Variants in CFAP46 observed in about 807,000 individuals in gnomAD.
CFAP46 encodes cilia and flagella associated protein 46.
Under a neutral mutation model 325.7 loss-of-function variants are expected in CFAP46, and 245 were observed. The observed-to-expected ratio is 0.75, with a 90% CI of 0.68 to 0.84. The LOEUF (loss-of-function observed/expected upper bound fraction) is 0.84, where lower values mean the gene tolerates loss of function less well. Ranked by LOEUF, CFAP46 falls within the 40% of genes least tolerant of loss-of-function variation. CFAP46 has a pLI of 0.00. For synonymous variants in CFAP46, 1,523 were observed against 1,495.9 expected (o/e 1.02, Z -0.42); for missense variants, 3,346 against 3,543.0 (o/e 0.94, Z 1.41).
rs1165820826 is a variant in CFAP46, at chr10:132,812,887, A to G, written c.7399T>C (p.Trp2467Arg). The change falls in exon 55 of 58, where the codon TGG (tryptophan) becomes CGG (arginine). Residue 2467 changes from tryptophan to arginine, a missense_variant. Trp to Arg is a moderately radical substitution (Grantham distance 101). Coordinates refer to ENST00000368586, the MANE Select transcript of CFAP46 (RefSeq NM_001200049.3). ...GSKHFPSQAQWEQALGSCSGF... is the reference protein window; with the variant it reads ...GSKHFPSQAQREQALGSCSGF... Reference sequence around the variant, plus strand: ...CTGCAGCTGCCCAGGGCCTGCTCCCACTGGGCCTGGCTGCAGAGAGAGGAG... The same window carrying G: ...CTGCAGCTGCCCAGGGCCTGCTCCCGCTGGGCCTGGCTGCAGAGAGAGGAG... 1 of 1,607,846 alleles carries G rather than the reference A, an allele frequency of 6.2e-7. No homozygotes were observed. The highest frequency in any genetic ancestry group is 2.2e-5 in the East Asian group (1 of 44,872).
intron 44 of CFAP46, among the ~76,000 whole-genome samples, chr10:132,844,967 C>A (rs1848409918): frequency 6.6e-6 from 1 of 152,186 alleles, no homozygotes; most frequent in Non-Finnish European, 1.5e-5. Flanking sequence ...GATCCTCCTG[C>A]CTCAGGCTCC....
chr10:132,930,321 A>C (rs55730799), intron 8 of CFAP46, among the ~76,000 whole-genome samples: 7 of 102,954 alleles, frequency 6.8e-5, no homozygotes, highest in Non-Finnish European at 1.2e-4. Context: ...CACACAGAGC[A>C]TGGGACTCCC....
intron 55 of CFAP46, among the ~76,000 whole-genome samples, chr10:132,812,386 G>A (rs117805375): frequency 0.014 from 2,151 of 152,300 alleles, 19 homozygotes; most frequent in South Asian, 0.032. Flanking sequence ...GAGGTCCCGA[G>A]TGCCCACGAT....
At chr10:132,837,330 GAC>G (rs947665369) in intron 44 of CFAP46, among the ~76,000 whole-genome samples, 2 of 152,312 alleles carry the variant, frequency 1.3e-5, no homozygotes, top group African/African-American at 2.4e-5. Context: ...GATGCATGCA[GAC>G]ACACACGCGT....
rs192712237 is a variant in CFAP46, at chr10:132,939,623, G to C, written c.372-870C>G. 9.8e-5 allele frequency among the ~76,000 whole-genome samples: 15 copies of C among 152,298 alleles called. No homozygotes were observed. The highest frequency in any genetic ancestry group is 3.4e-3 in the Middle Eastern group (1 of 294). On this transcript the variant is annotated intron_variant, in intron 4 of 57. Coordinates refer to ENST00000368586, the MANE Select transcript of CFAP46 (RefSeq NM_001200049.3). This position sits in a 1 kb window ranked among gnomAD's most constrained non-coding sequence, Gnocchi z 4.6. ...TACTCAGAGCCACCACGTGACCCTA[G>C]GACAGGACTCATCCTGTTTCCAGGT... is the stretch of plus-strand genomic sequence containing the variant.
rs1315178437 is a variant in CFAP46, at chr10:132,846,195, GAC to G, written c.6298_6299del (p.Val2100ProfsTer55). On this transcript the variant is annotated frameshift_variant, in exon 44 of 58. Transcript: ENST00000368586. LOFTEE classifies it high-confidence loss of function. ...SCSASETMRDVLLAATANTSS... is the reference protein window; with the variant it reads ...SCSASETMRDXLLAATANTSS... ...TGGTGTTGGCTGTGGCTGCAAGCAG[GAC>G]ATCCCTCATCGTCTCTGAGGCCGAG... 3.7e-6 allele frequency: 6 copies of G among 1,612,104 alleles called. No homozygotes were observed. Among genetic ancestry groups the G allele is most frequent in the Non-Finnish European group, 5.1e-6 (6 of 1,179,676 alleles).
rs1032079231 is a variant in CFAP46 at position 132,889,223 on chromosome 10, G to A, written c.3304+3110C>T. On this transcript the variant is annotated intron_variant, in intron 25 of 57. Coordinates refer to ENST00000368586, the MANE Select transcript of CFAP46 (RefSeq NM_001200049.3). The surrounding 1 kb of genome is among the most constrained non-coding windows in gnomAD (Gnocchi z 6.0). ...GACCCGCCTCTGGTGCCAGCACCTG[G>A]ACCACCGAGGCTTACGTCACAGAGT... Among the ~76,000 whole-genome samples, 38 of 152,318 alleles carry A rather than the reference G, an allele frequency of 2.5e-4. No individual in the cohort carries two copies. The highest frequency in any genetic ancestry group is 9.1e-4 in the African/African-American group (38 of 41,564).
At chr10:132,858,295 G>A (rs4880451) in intron 38 of CFAP46, among the ~76,000 whole-genome samples, 6,547 of 92,054 alleles carry the variant, frequency 0.071, 273 homozygotes, top group Admixed American at 0.11. Context: ...CCCAGGTTGG[G>A]GGCAGGGAGG....
In CFAP46 at chr10:132,885,093, G is replaced by C. The variant is rs925113052; in HGVS notation, c.3627+10C>G. ...TTTTACCACGTGCACCCACGCTTAC[G>C]GCTTCACACCTGCAAGGCCTGGATG... On this transcript the variant is annotated intron_variant, in intron 27 of 57. Coordinates refer to ENST00000368586, the MANE Select transcript of CFAP46 (RefSeq NM_001200049.3). 1 of 1,538,060 alleles carries C rather than the reference G, an allele frequency of 6.5e-7. No individual in the cohort carries two copies. The highest frequency in any genetic ancestry group is 1.4e-5 in the African/African-American group (1 of 72,760).
At chr10:132,885,490 G>A (rs554681088) in intron 26 of CFAP46, among the ~76,000 whole-genome samples, 4 of 152,116 alleles carry the variant, frequency 2.6e-5, no homozygotes, top group East Asian at 3.9e-4. Flanking sequence ...TTCAGTCCCC[G>A]CTCTCCCTGT....
At chr10:132,917,365 G>A (rs187616442) in intron 16 of CFAP46, among the ~76,000 whole-genome samples, 17 of 152,370 alleles carry the variant, frequency 1.1e-4, no homozygotes, top group Admixed American at 3.3e-4. Context: ...TTGGTGCAGC[G>A]CGGTGGCTGC....
At chr10:132,822,525 C>T (rs867128860) in intron 50 of CFAP46, among the ~76,000 whole-genome samples, 2,538 of 75,156 alleles carry the variant, frequency 0.034, 50 homozygotes, top group Middle Eastern at 0.078. Flanking sequence ...TGTGTGCTGA[C>T]GTGTGCTGTG....
intron 46 of CFAP46, 131 bp downstream of exon 46, chr10:132,836,011 C>T (rs1454050480): frequency 1.4e-5 from 1 of 72,218 alleles, no homozygotes; most frequent in Non-Finnish European, 2.7e-5. Context: ...GCTCCCCTCC[C>T]CCTCTCGCCC....
rs1308078951 is a variant in CFAP46 at position 132,877,130 on chromosome 10, T to G, written c.4213-169A>C. Among the ~76,000 whole-genome samples the G allele has an allele frequency of 6.6e-6, 1 of 152,176 alleles. No individual in the cohort carries two copies. Among genetic ancestry groups the G allele is most frequent in the Non-Finnish European group, 1.5e-5 (1 of 68,024 alleles). On this transcript the variant is annotated intron_variant, in intron 30 of 57. Transcript: ENST00000368586. The surrounding 1 kb of genome is among the most constrained non-coding windows in gnomAD (Gnocchi z 5.7). Reference sequence around the variant, plus strand: ...CCCAGATCCAGCCTCTGATACTGTTTCCAGGCAGTGCACGCAAAGCTTTCT... The same window carrying G: ...CCCAGATCCAGCCTCTGATACTGTTGCCAGGCAGTGCACGCAAAGCTTTCT...
intron 28 of CFAP46, among the ~76,000 whole-genome samples, chr10:132,880,568 C>T (rs574284168): frequency 3.3e-5 from 5 of 152,366 alleles, no homozygotes; most frequent in South Asian, 2.1e-4. Flanking sequence ...ACATGCCTTC[C>T]GCCTGACCTG....
At position 132,811,093 on chromosome 10, in the gene CFAP46, G is replaced by A. The variant is rs1847573096; in HGVS notation, c.7502-62C>T. On this transcript the variant is annotated intron_variant, in intron 55 of 57. Transcript: ENST00000368586. ...CTGACATGGGGAGTGGGGATGGGGT[G>A]TGGGCAGGTGGGGCCTGTGCCCCAA... 6 of 1,401,410 alleles carry A rather than the reference G, an allele frequency of 4.3e-6. No individual in the cohort carries two copies. In the South Asian group the frequency reaches 4.9e-5, roughly 12 times the overall value. The allele number at this position is 1,401,410 out of a possible 1,614,324, so 86.8% of individuals were successfully genotyped here. A position where few individuals can be genotyped will look rare whatever the true frequency, so the allele number is the denominator to read the frequency against.
At chr10:132,836,941 G>A (rs1848259948) in intron 44 of CFAP46, 27 bp from the exon 45 acceptor site, 1 of 1,549,294 alleles carries the variant, frequency 6.5e-7, no homozygotes, top group South Asian at 1.1e-5. Context: ...GGCCATCAGG[G>A]GATGCATTTA....
At chr10:132,929,887 T>C in intron 8 of CFAP46, 83 bp from the exon 9 acceptor site, 2 of 918,920 alleles carry the variant, frequency 2.2e-6, no homozygotes, top group South Asian at 3.2e-5. Flanking sequence ...TGTCCCCCGT[T>C]CAAGCAGAAG....
chr10:132,876,924 A>G lies in CFAP46; in HGVS notation c.4250T>C (p.Leu1417Ser), dbSNP rs1375570892. Residue 1417 changes from leucine (L) to serine (S), a missense_variant, in exon 31 of 58, where the codon TTA becomes TCA. Physicochemically the swap from Leu to Ser is moderately radical, Grantham distance 145. Transcript: ENST00000368586. This position sits in a 1 kb window ranked among gnomAD's most constrained non-coding sequence, Gnocchi z 4.1. ...SPAPIKQLED[L>S]PMSIEEWASY... ...AGCCCACTCTTCTATGCTCATGGGTAAGTCTTCCAGTTGTTTGATAGGAGC... is the reference window on the plus strand; with the variant it reads ...AGCCCACTCTTCTATGCTCATGGGTGAGTCTTCCAGTTGTTTGATAGGAGC... 1.3e-6 allele frequency: 2 copies of G among 1,550,582 alleles called. No individual in the cohort carries two copies. The highest frequency in any genetic ancestry group is 2.4e-5 in the South Asian group (2 of 84,054).
Sources: gnomAD v4.1 joint callset for allele counts (sites outside exome capture counted in the v4.1 genomes callset) on GRCh38, gnomAD v4.1.1 for gene constraint, Gnocchi (gnomAD v3.1) non-coding constraint, MANE v1.5 for transcripts, NCBI Gene and HGNC (gene_info 2026-07-23, HGNC 2026-07-21) for gene names.